MECOM: variants seen among roughly 807,000 people sequenced by gnomAD.
The protein encoded by MECOM is histone-lysine N-methyltransferase MECOM.
In MECOM, 13 loss-of-function variants were observed where a neutral mutation model predicts 116.3. The observed-to-expected ratio is 0.11, with a 90% CI of 0.07 to 0.18. The LOEUF (loss-of-function observed/expected upper bound fraction) is 0.18, where lower values mean the gene tolerates loss of function less well. Among genes scored for constraint, MECOM ranks in the 10% least tolerant of loss-of-function variants. The pLI is 1.00. For synonymous variants in MECOM, 528 were observed against 535.2 expected (o/e 0.99, Z 0.19); for missense variants, 1,299 against 1,509.0 (o/e 0.86, Z 2.31).
chr3:169,443,510 G>GAAACA (rs1295293909), intron 1 of MECOM, among the ~76,000 whole-genome samples: 2 of 152,098 alleles, frequency 1.3e-5, no homozygotes, highest in African/African-American at 4.8e-5. Flanking sequence ...AAGAAGCAGG[G>GAAACA]AAACAAAACA....
At chr3:169,500,763 G>T (rs769242930) in intron 1 of MECOM, among the ~76,000 whole-genome samples, 46 of 151,772 alleles carry the variant, frequency 3.0e-4, no homozygotes, top group Admixed American at 1.4e-3. Flanking sequence ...TAATTGATTG[G>T]ATATTTTAGG....
rs377055564 is a variant in MECOM, at chr3:169,337,076, G to A, written c.375+44111C>T. The stretch of plus-strand genomic sequence containing the variant: ...TGATTCTGTCTTCATGTATGATTGC[G>A]TCCATGAATAAGATTTATCATCTAT... On this transcript the variant is annotated intron_variant, in intron 2 of 16. Transcript: ENST00000651503. Among the ~76,000 whole-genome samples the A allele has an allele frequency of 3.0e-4, 46 of 152,198 alleles. No individual in the cohort carries two copies. The South Asian group carries it at 4.4e-3, about 14-fold the overall frequency.
At chr3:169,094,595 C>T (rs551936453) in intron 13 of MECOM, among the ~76,000 whole-genome samples, 1 of 152,322 alleles carries the variant, frequency 6.6e-6, no homozygotes, top group South Asian at 2.1e-4. Context: ...TGTCAATAGT[C>T]TCATATTCCC....
intron 1 of MECOM, among the ~76,000 whole-genome samples, chr3:169,602,464 C>T (rs1272838161): frequency 6.6e-6 from 1 of 152,202 alleles, no homozygotes; most frequent in Non-Finnish European, 1.5e-5. Flanking sequence ...GATTTCTCAA[C>T]CTCAGCACTA....
At chr3:169,122,778 G>A (rs1456497461) in intron 5 of MECOM, 51 bp from the exon 6 acceptor site, 1 of 1,585,172 alleles carries the variant, frequency 6.3e-7, no homozygotes, top group Non-Finnish European at 8.6e-7. Flanking sequence ...TTCATAAACG[G>A]AACAACATTT....
At chr3:169,488,740 C>T (rs1429900879) in intron 1 of MECOM, among the ~76,000 whole-genome samples, 1 of 151,626 alleles carries the variant, frequency 6.6e-6, no homozygotes, top group Non-Finnish European at 1.5e-5. Flanking sequence ...GAAATCATGA[C>T]AGAAATTATA....
chr3:169,296,189 TC>T (rs1159268925), intron 2 of MECOM, among the ~76,000 whole-genome samples: 3 of 152,110 alleles, frequency 2.0e-5, no homozygotes, highest in African/African-American at 7.2e-5. Flanking sequence ...GCTTTCCCCC[TC>T]CAGCTATGGG....
chr3:169,278,082 T>C (rs191436077), intron 2 of MECOM, among the ~76,000 whole-genome samples: 138 of 152,352 alleles, frequency 9.1e-4, no homozygotes, highest in Non-Finnish European at 1.3e-3. Context: ...AAACATTCAC[T>C]GAATGAATGA....
At chr3:169,143,627 A>G in intron 3 of MECOM, 71 bp downstream of exon 3, 2 of 1,428,210 alleles carry the variant, frequency 1.4e-6, no homozygotes, top group South Asian at 1.6e-5. Flanking sequence ...GCTTACTGTT[A>G]TTTTTATTCT....
intron 2 of MECOM, among the ~76,000 whole-genome samples, chr3:169,150,310 A>G (rs1168346604): frequency 6.6e-6 from 1 of 152,240 alleles, no homozygotes; most frequent in Non-Finnish European, 1.5e-5. Context: ...CTTGCTTTCC[A>G]TCAGAAGGTT....
intron 1 of MECOM, chr3:169,464,152 GACA>G (rs2108752033): frequency 6.6e-6 from 1 of 152,230 alleles, no homozygotes; most frequent in South Asian, 2.1e-4. Context: ...TATCACCTGA[GACA>G]ACATTTGTGT....
chr3:169,436,774 T>G (rs970846276), intron 1 of MECOM, among the ~76,000 whole-genome samples: 2 of 152,190 alleles, frequency 1.3e-5, no homozygotes, highest in Non-Finnish European at 2.9e-5. Flanking sequence ...GTTATTTATA[T>G]TGAAAAACAA....
intron 1 of MECOM, among the ~76,000 whole-genome samples, chr3:169,430,879 A>C (rs1263276086): frequency 6.6e-6 from 1 of 152,182 alleles, no homozygotes; most frequent in Admixed American, 6.5e-5. Context: ...GTTCAAAGTG[A>C]GGCCAAAAAT....
Position 169,447,743 on chromosome 3 carries a change from G to A in MECOM, c.38-66219C>T, listed in dbSNP as rs1378618693. ...ATCTCCACCTGGAAAGACTGGAAAG[G>A]CTACACACCAGAGCTCAAATTTGAA... On this transcript the variant is annotated intron_variant, in intron 1 of 16. Coordinates refer to ENST00000651503, the MANE Select transcript of MECOM (RefSeq NM_004991.4). The A allele has an allele frequency of 2.6e-5, 4 of 152,166 alleles. No individual in the cohort carries two copies. In the South Asian group the frequency reaches 6.2e-4, roughly 24 times the overall value. The allele number at this position is 152,166 out of a possible 1,614,324, so 9.4% of individuals were successfully genotyped here. A position where few individuals can be genotyped will look rare whatever the true frequency, so the allele number is the denominator to read the frequency against.
intron 9 of MECOM, among the ~76,000 whole-genome samples, chr3:169,110,404 C>T (rs971803598): frequency 2.0e-5 from 3 of 152,018 alleles, no homozygotes; most frequent in African/African-American, 4.8e-5. Flanking sequence ...TACATAAATG[C>T]CAGCTCTTCC....
intron 2 of MECOM, among the ~76,000 whole-genome samples, chr3:169,289,538 T>G (rs1714076658): frequency 6.6e-6 from 1 of 152,184 alleles, no homozygotes. Context: ...TAACATGCTT[T>G]CAAAACAAAA....
chr3:169,564,811 G>A (rs1763033596), intron 1 of MECOM, among the ~76,000 whole-genome samples: 1 of 150,804 alleles, frequency 6.6e-6, no homozygotes, highest in African/African-American at 2.5e-5. Flanking sequence ...CGCTTCAGGT[G>A]TCCAAACAAA....
chr3:169,192,714 C>T (rs758999374), intron 2 of MECOM, among the ~76,000 whole-genome samples: 6 of 151,970 alleles, frequency 3.9e-5, no homozygotes, highest in Non-Finnish European at 7.4e-5. Context: ...ATTGGAAGTA[C>T]TTTCATACTT....
intron 1 of MECOM, among the ~76,000 whole-genome samples, chr3:169,458,489 C>T (rs948257101): frequency 1.3e-5 from 2 of 152,180 alleles, no homozygotes; most frequent in African/African-American, 4.8e-5. Flanking sequence ...TCCCGAGTCC[C>T]TGGGGGCCTT....
Sources: allele counts gnomAD v4.1 joint callset (sites outside exome capture counted in the v4.1 genomes callset), GRCh38; gene constraint gnomAD v4.1.1; transcripts MANE v1.5; gene names NCBI Gene and HGNC (gene_info 2026-07-23, HGNC 2026-07-21).